Variants in SGCD observed in about 807,000 individuals in gnomAD.
SGCD encodes the protein delta-sarcoglycan.
Under a neutral mutation model 36.6 loss-of-function variants are expected in SGCD, and 18 were observed. The ratio of observed to expected loss-of-function variants is 0.49; its 90% CI spans 0.34 to 0.73. SGCD has a LOEUF of 0.73. Among genes scored for constraint, SGCD ranks in the 30% least tolerant of loss-of-function variants. SGCD has a pLI of 0.01. For synonymous variants in SGCD, 133 were observed against 130.6 expected (o/e 1.02, Z -0.12); for missense variants, 387 against 346.7 (o/e 1.12, Z -0.92).
intron 7 of SGCD, among the ~76,000 whole-genome samples, chr5:156,682,131 G>A (rs1350586510): frequency 6.6e-6 from 1 of 152,098 alleles, no homozygotes; most frequent in Non-Finnish European, 1.5e-5. Context: ...GATCAAACAT[G>A]GTACATGTTA....
chr5:156,707,080 T>A (rs928178441), intron 7 of SGCD, among the ~76,000 whole-genome samples: 2 of 152,192 alleles, frequency 1.3e-5, no homozygotes, highest in African/African-American at 2.4e-5. Context: ...TATTATTCTA[T>A]CACAGATGCA....
At chr5:156,031,361 G>A (rs983982701) in intron 1 of SGCD, among the ~76,000 whole-genome samples, 2 of 152,162 alleles carry the variant, frequency 1.3e-5, no homozygotes, top group African/African-American at 4.8e-5. Flanking sequence ...ATGTAATACA[G>A]TGAGCAGGCA....
intron 1 of SGCD, among the ~76,000 whole-genome samples, chr5:155,944,096 C>T (rs1013411348): frequency 1.4e-4 from 22 of 152,170 alleles, no homozygotes; most frequent in African/African-American, 5.3e-4. Flanking sequence ...GGCTGAATGT[C>T]TCCATTTCTT....
chr5:156,269,510 A>AAAAAG (rs1408141297), intron 3 of SGCD, among the ~76,000 whole-genome samples: 5 of 137,650 alleles, frequency 3.6e-5, no homozygotes, highest in Non-Finnish European at 7.9e-5. Flanking sequence ...AAAAAAAAAA[A>AAAAAG]CCATCAGATC....
chr5:155,870,782 T>C (rs1371865131), intron 1 of SGCD, among the ~76,000 whole-genome samples: 1 of 152,106 alleles, frequency 6.6e-6, no homozygotes, highest in Non-Finnish European at 1.5e-5. Flanking sequence ...TGTGAAAACA[T>C]CCTACTGAAA....
intron 3 of SGCD, among the ~76,000 whole-genome samples, chr5:156,222,944 C>T (rs1342416526): frequency 3.3e-5 from 5 of 152,024 alleles, no homozygotes; most frequent in Admixed American, 6.6e-5. Context: ...TGGGTTTCTC[C>T]CACCTTGGTG....
At chr5:156,416,430 A>G (rs535160408) in intron 3 of SGCD, among the ~76,000 whole-genome samples, 133 of 152,274 alleles carry the variant, frequency 8.7e-4, no homozygotes, top group Non-Finnish European at 1.5e-3. Flanking sequence ...TGCTCAGGTG[A>G]TGGGTGCACC....
At chr5:156,216,105 C>G (rs958510972) in intron 3 of SGCD, among the ~76,000 whole-genome samples, 7 of 152,042 alleles carry the variant, frequency 4.6e-5, no homozygotes, top group African/African-American at 1.7e-4. Flanking sequence ...TGATCTCACA[C>G]CTAGAATCTA....
intron 1 of SGCD, among the ~76,000 whole-genome samples, chr5:156,025,641 C>T (rs905845242): frequency 1.3e-5 from 2 of 152,178 alleles, no homozygotes; most frequent in Non-Finnish European, 2.9e-5. Context: ...CATTTTCTTT[C>T]TCACTGCAGC....
chr5:156,366,724 T>G (rs1380401203), intron 3 of SGCD, among the ~76,000 whole-genome samples: 2 of 152,062 alleles, frequency 1.3e-5, no homozygotes, highest in Non-Finnish European at 2.9e-5. Context: ...CTAGTGTCAG[T>G]TTTCATTGAA....
chr5:155,788,430 A>G, the SGCD span, among the ~76,000 whole-genome samples: 1 of 152,168 alleles, frequency 6.6e-6, no homozygotes, highest in African/African-American at 2.4e-5. Flanking sequence ...ATCAAGTTTT[A>G]TGTGATAATA....
At chr5:156,548,017 T>C (rs1758650273) in intron 4 of SGCD, among the ~76,000 whole-genome samples, 1 of 152,202 alleles carries the variant, frequency 6.6e-6, no homozygotes, top group Admixed American at 6.5e-5. Context: ...ACCCATAGCA[T>C]TGGGCTGGTT....
At chr5:156,750,105 ATTATC>A (rs1210439133) in intron 7 of SGCD, among the ~76,000 whole-genome samples, 2 of 152,180 alleles carry the variant, frequency 1.3e-5, no homozygotes, top group African/African-American at 4.8e-5. Flanking sequence ...GGAGAAATAT[ATTATC>A]TTAATAGATA....
intron 6 of SGCD, among the ~76,000 whole-genome samples, chr5:156,625,134 C>T (rs1762393390): frequency 6.6e-6 from 1 of 152,162 alleles, no homozygotes; most frequent in Non-Finnish European, 1.5e-5. Flanking sequence ...AGGAACAAGC[C>T]CCCTCCCCAG....
intron 1 of SGCD, among the ~76,000 whole-genome samples, chr5:155,872,745 C>T (rs1036413752): frequency 6.6e-6 from 1 of 152,154 alleles, no homozygotes; most frequent in African/African-American, 2.4e-5. Context: ...AAATACTTTT[C>T]CTGGTCTGTT....
In SGCD at chr5:156,177,795, G is replaced by A. The variant is rs1362898216; in HGVS notation, c.-44+53776G>A. On this transcript the variant is annotated intron_variant, in intron 3 of 9. Coordinates refer to the SGCD transcript ENST00000517913. ...ATCTAATTTTTGTTGCTGTAGACTT[G>A]TTAGGTAGGGTAGTCTTAAAAATAC... 3.9e-5 allele frequency among the ~76,000 whole-genome samples: 6 copies of A among 152,104 alleles called. No individual in the cohort carries two copies. In the South Asian group the frequency reaches 6.2e-4, roughly 16 times the overall value.
At chr5:155,858,081 A>G in the SGCD span, among the ~76,000 whole-genome samples, 2 of 152,186 alleles carry the variant, frequency 1.3e-5, no homozygotes, top group African/African-American at 4.8e-5. Context: ...TTTAGAATGT[A>G]TAGCGCGTGT....
intron 1 of SGCD, among the ~76,000 whole-genome samples, chr5:155,972,704 C>CT (rs1319970154): frequency 3.9e-5 from 6 of 152,146 alleles, no homozygotes; most frequent in African/African-American, 1.4e-4. Context: ...TTGAGAGTGT[C>CT]TGTTTCCCTA....
At chr5:155,857,230 C>T in the SGCD span, among the ~76,000 whole-genome samples, 5 of 152,162 alleles carry the variant, frequency 3.3e-5, no homozygotes, top group Admixed American at 3.3e-4. Flanking sequence ...GCGCAAGACT[C>T]CATCTCATAA....
Sources: allele counts gnomAD v4.1 joint callset (sites outside exome capture counted in the v4.1 genomes callset), GRCh38; gene constraint gnomAD v4.1.1; transcripts MANE v1.5; gene names NCBI Gene and HGNC (gene_info 2026-07-23, HGNC 2026-07-21).